COL4A3: variants seen among roughly 807,000 people sequenced by gnomAD.
The protein encoded by COL4A3 is collagen type IV alpha 3 chain.
COL4A3 carries 135 observed loss-of-function variants against 217.4 expected under a neutral mutation model. The ratio of observed to expected loss-of-function variants is 0.62; its 90% CI spans 0.54 to 0.72. The LOEUF is 0.72. Ranked by LOEUF, COL4A3 falls within the 30% of genes least tolerant of loss-of-function variation. The pLI, the probability that COL4A3 is intolerant of heterozygous loss-of-function variation, is 0.00. For synonymous variants in COL4A3, 690 were observed against 736.3 expected (o/e 0.94, Z 1.02); for missense variants, 1,868 against 2,119.9 (o/e 0.88, Z 2.33).
intron 43 of COL4A3, among the ~76,000 whole-genome samples, 189 bp from the exon 44 acceptor site, chr2:227,302,849 T>C: frequency 6.6e-6 from 1 of 152,064 alleles, no homozygotes; most frequent in Non-Finnish European, 1.5e-5. Flanking sequence ...AAAACGATAG[T>C]CCTAAGGAAA....
chr2:227,217,949 G>C (rs1168878845), intron 1 of COL4A3, among the ~76,000 whole-genome samples: 1 of 151,546 alleles, frequency 6.6e-6, no homozygotes, highest in Non-Finnish European at 1.5e-5. Context: ...AAGGGCAGAA[G>C]ACACTCTCAG....
chr2:227,245,650 T>G (rs1349965140), intron 5 of COL4A3: 2 of 455,860 alleles, frequency 4.4e-6, no homozygotes, highest in African/African-American at 4.0e-5. Flanking sequence ...CACTTTCCTC[T>G]TCTTTTTCCC....
chr2:227,309,380 T>C, intron 50 of COL4A3, 62 bp downstream of exon 50: 1 of 1,287,058 alleles, frequency 7.8e-7, no homozygotes, highest in Middle Eastern at 1.9e-4. Context: ...TACATTGTGC[T>C]GGGTAAAATG....
chr2:227,238,089 C>T (rs897170219), intron 2 of COL4A3, 65 bp downstream of exon 2: 10 of 1,046,428 alleles, frequency 9.6e-6, no homozygotes, highest in African/African-American at 3.1e-5. Flanking sequence ...ACTCAACCTT[C>T]TTCTTTCATC....
intron 1 of COL4A3, chr2:227,221,584 T>A (rs533602101): frequency 1.3e-5 from 2 of 152,272 alleles, no homozygotes; most frequent in East Asian, 3.9e-4. Context: ...AATCACCTCC[T>A]CAGGTGAGCC....
intron 1 of COL4A3, among the ~76,000 whole-genome samples, chr2:227,185,768 T>A (rs1351948820): frequency 2.0e-5 from 3 of 152,148 alleles, no homozygotes; most frequent in Non-Finnish European, 4.4e-5. Context: ...GGGAGTGTAT[T>A]TGAAAATGCA....
chr2:227,295,389 A>G (rs1016371526), intron 41 of COL4A3, 73 bp downstream of exon 41: 1 of 1,310,034 alleles, frequency 7.6e-7, no homozygotes, highest in Non-Finnish European at 1.1e-6. Flanking sequence ...TGCTTGAAAT[A>G]TAAAGTAAGC....
chr2:227,294,235 T>A (rs2072917661), intron 38 of COL4A3: 1 of 473,088 alleles, frequency 2.1e-6, no homozygotes, highest in Non-Finnish European at 3.8e-6. Context: ...AACTCGCAAT[T>A]AAAATAAAAT....
At chr2:227,290,611 C>T in intron 36 of COL4A3, 136 bp from the exon 37 acceptor site, 2 of 695,778 alleles carry the variant, frequency 2.9e-6, no homozygotes, top group Non-Finnish European at 4.9e-6. Context: ...TAATAATCAT[C>T]TATTGTAACT....
intron 1 of COL4A3, among the ~76,000 whole-genome samples, chr2:227,171,517 T>C (rs536531261): frequency 7.3e-6 from 1 of 137,586 alleles, no homozygotes; most frequent in South Asian, 2.2e-4. Context: ...CACATGTGCG[T>C]TGTTTTCTGG....
chr2:227,181,610 T>C (rs1274177911), intron 1 of COL4A3, among the ~76,000 whole-genome samples: 3 of 152,248 alleles, frequency 2.0e-5, no homozygotes, highest in Non-Finnish European at 4.4e-5. Flanking sequence ...GAGAATATTT[T>C]GGTATATTTG....
intron 23 of COL4A3, among the ~76,000 whole-genome samples, chr2:227,268,188 G>A (rs1033488367): frequency 3.3e-5 from 5 of 152,194 alleles, no homozygotes; most frequent in Non-Finnish European, 5.9e-5. Context: ...TGTGTTGGGC[G>A]CTGTTCTAAG....
At chr2:227,168,043 A>C (rs2125628505) in intron 1 of COL4A3, among the ~76,000 whole-genome samples, 1 of 152,336 alleles carries the variant, frequency 6.6e-6, no homozygotes, top group South Asian at 2.1e-4. Flanking sequence ...CCATGTTGGT[A>C]CATATAGATA....
chr2:227,215,063 C>T (rs1478880064), intron 1 of COL4A3, among the ~76,000 whole-genome samples: 1 of 152,142 alleles, frequency 6.6e-6, no homozygotes, highest in Admixed American at 6.6e-5. Context: ...GAGAAATTAA[C>T]ATCAACTAAA....
At chr2:227,259,756 C>T in intron 18 of COL4A3, 37 bp from the exon 19 acceptor site, 2 of 1,429,378 alleles carry the variant, frequency 1.4e-6, no homozygotes, top group Non-Finnish European at 2.0e-6. Flanking sequence ...CCATAAATAG[C>T]TATCCTTTCT....
chr2:227,300,453 C>T (rs370587740), intron 43 of COL4A3, among the ~76,000 whole-genome samples: 1 of 152,168 alleles, frequency 6.6e-6, no homozygotes, highest in African/African-American at 2.4e-5. Flanking sequence ...TAGGCCTGTG[C>T]CCCAAGCCTG....
intron 7 of COL4A3, 48 bp from the exon 8 acceptor site, chr2:227,247,510 T>C: frequency 1.3e-6 from 2 of 1,591,328 alleles, no homozygotes; most frequent in Non-Finnish European, 1.7e-6. Flanking sequence ...AGTAGGAGTG[T>C]GTGCGTTTGA....
Position 227,244,314 on chromosome 2 carries a change from A to G in COL4A3, c.235-6A>G, listed in dbSNP as rs1237470987. The G allele has an allele frequency of 6.2e-7, 1 of 1,613,880 alleles. No homozygotes were observed. Among genetic ancestry groups the G allele is most frequent in the East Asian group, 2.2e-5 (1 of 44,876 alleles). ...GTTTACTTTTTCTTTTTTCACTTGAATCTAGGGCTTTCCAGGACTTCCAGG... is the reference window on the plus strand; with the variant it reads ...GTTTACTTTTTCTTTTTTCACTTGAGTCTAGGGCTTTCCAGGACTTCCAGG... On this transcript the variant is annotated splice_region_variant and splice_polypyrimidine_tract_variant and intron_variant, in intron 3 of 51. Coordinates refer to ENST00000396578, the MANE Select transcript of COL4A3 (RefSeq NM_000091.5).
intron 1 of COL4A3, among the ~76,000 whole-genome samples, chr2:227,199,963 T>C (rs966549838): frequency 2.0e-5 from 3 of 152,230 alleles, no homozygotes; most frequent in Admixed American, 2.0e-4. Context: ...ACTCACAGTC[T>C]AGAAGGTACC....
Sources: allele counts gnomAD v4.1 joint callset (sites outside exome capture counted in the v4.1 genomes callset), GRCh38; gene constraint gnomAD v4.1.1; transcripts MANE v1.5; gene names NCBI Gene and HGNC (gene_info 2026-07-23, HGNC 2026-07-21).